Variants in ZDHHC14 observed in about 807,000 individuals in gnomAD.
The protein encoded by ZDHHC14 is palmitoyltransferase ZDHHC14.
A neutral mutation model predicts 47.7 loss-of-function variants in ZDHHC14; 16 were observed. That is an observed-to-expected ratio of 0.34 (90% CI 0.23 to 0.51). ZDHHC14 has a LOEUF of 0.51. Ranked by LOEUF, ZDHHC14 falls within the 20% of genes least tolerant of loss-of-function variation. ZDHHC14 has a pLI of 0.97. For missense variants in ZDHHC14, 515 were observed against 662.5 expected (o/e 0.78, Z 2.44); for synonymous variants, 293 against 278.9 (o/e 1.05, Z -0.50).
At chr6:157,606,833 A>G (rs372943124) in intron 3 of ZDHHC14, among the ~76,000 whole-genome samples, 2 of 152,350 alleles carry the variant, frequency 1.3e-5, no homozygotes. Context: ...GAAAACAGTT[A>G]CATTTTTATT....
chr6:157,551,540 GTTA>G (rs1782234472), intron 2 of ZDHHC14, among the ~76,000 whole-genome samples: 1 of 152,196 alleles, frequency 6.6e-6, no homozygotes, highest in South Asian at 2.1e-4. Flanking sequence ...TCGCCTGGGA[GTTA>G]TTAGAAATGC....
chr6:157,544,204 G>A (rs1781875463), intron 2 of ZDHHC14, among the ~76,000 whole-genome samples: 1 of 152,198 alleles, frequency 6.6e-6, no homozygotes, highest in African/African-American at 2.4e-5. Context: ...CAATATATGA[G>A]CAGGTAACTT....
intron 1 of ZDHHC14, among the ~76,000 whole-genome samples, chr6:157,420,733 A>T (rs1778084074): frequency 6.6e-6 from 1 of 152,352 alleles, no homozygotes; most frequent in South Asian, 2.1e-4. Flanking sequence ...ATTTCAGCCT[A>T]GTAGGAGCGA....
intron 2 of ZDHHC14, among the ~76,000 whole-genome samples, chr6:157,584,283 C>T (rs893544856): frequency 1.4e-4 from 21 of 152,038 alleles, no homozygotes; most frequent in South Asian, 6.2e-4. Flanking sequence ...AGGGAAGAGA[C>T]GGGACTCCTC....
At chr6:157,435,296 G>A (rs41505947) in intron 1 of ZDHHC14, among the ~76,000 whole-genome samples, 72,778 of 152,076 alleles carry the variant, frequency 0.48, 17,422 homozygotes, top group East Asian at 0.6. Flanking sequence ...ATAGAAATCC[G>A]AGAAGAGGGC....
chr6:157,473,380 T>C (rs983422442), intron 1 of ZDHHC14, among the ~76,000 whole-genome samples: 6 of 152,248 alleles, frequency 3.9e-5, no homozygotes, highest in Non-Finnish European at 8.8e-5. Context: ...TTTCACTTTT[T>C]AAGATCCCAC....
Position 157,673,455 on chromosome 6 carries a change from G to A in ZDHHC14, c.*333G>A. On this transcript the variant is annotated 3_prime_UTR_variant, in exon 9 of 9. Coordinates refer to ENST00000359775, the MANE Select transcript of ZDHHC14 (RefSeq NM_024630.3). The surrounding 1 kb of genome is among the most constrained non-coding windows in gnomAD (Gnocchi z 5.4). ...GACACACGGAAGGCTTCTGACGCTT[G>A]TGGCCAGACTGCAATTGCACTTATG... 2.7e-6 allele frequency: 1 copy of A among 370,576 alleles called. No individual in the cohort carries two copies. The highest frequency in any genetic ancestry group is 5.0e-5 in the East Asian group (1 of 19,806). The allele number at this position is 370,576 out of a possible 1,614,324, so 23.0% of individuals were successfully genotyped here.
intron 1 of ZDHHC14, among the ~76,000 whole-genome samples, chr6:157,531,297 C>G (rs945670219): frequency 9.2e-5 from 14 of 152,130 alleles, no homozygotes; most frequent in Admixed American, 2.6e-4. Context: ...CCCTGCCCCC[C>G]CCGGACATGC....
chr6:157,589,347 A>T (rs1428918780), intron 2 of ZDHHC14, among the ~76,000 whole-genome samples: 15 of 152,196 alleles, frequency 9.9e-5, no homozygotes, highest in Non-Finnish European at 2.2e-4. Flanking sequence ...CTGGGCAGGG[A>T]TACAAAACCA....
intron 1 of ZDHHC14, among the ~76,000 whole-genome samples, chr6:157,412,744 C>G (rs778145035): frequency 3.3e-5 from 5 of 152,218 alleles, no homozygotes; most frequent in Non-Finnish European, 4.4e-5. Context: ...GCCTGGATAG[C>G]AGGAGACCAC....
chr6:157,485,656 AC>A (rs1779759613), intron 1 of ZDHHC14, among the ~76,000 whole-genome samples: 1 of 149,282 alleles, frequency 6.7e-6, no homozygotes, highest in Non-Finnish European at 1.5e-5. Flanking sequence ...TTTAAAACCT[AC>A]CCTTGTATCT....
intron 8 of ZDHHC14, among the ~76,000 whole-genome samples, chr6:157,670,982 A>G (rs780617304): frequency 6.6e-6 from 1 of 152,260 alleles, no homozygotes; most frequent in South Asian, 2.1e-4. Flanking sequence ...CCTTAGGATC[A>G]GCAGCTTTGG....
chr6:157,540,621 C>A (rs981378933), intron 1 of ZDHHC14, among the ~76,000 whole-genome samples: 1 of 152,152 alleles, frequency 6.6e-6, no homozygotes, highest in Non-Finnish European at 1.5e-5. Flanking sequence ...TGTGCCCTCG[C>A]TGAAACTGGC....
intron 1 of ZDHHC14, among the ~76,000 whole-genome samples, chr6:157,468,159 G>A (rs1358441271): frequency 6.6e-6 from 1 of 152,212 alleles, no homozygotes; most frequent in Non-Finnish European, 1.5e-5. Context: ...CCTGAGTGGA[G>A]GGCTGGAGAG....
chr6:157,559,735 G>A (rs373927449), intron 2 of ZDHHC14, among the ~76,000 whole-genome samples: 1 of 152,306 alleles, frequency 6.6e-6, no homozygotes, highest in Admixed American at 6.5e-5. Context: ...TAAATGTTTT[G>A]TCCAGAAAAG....
rs1776979045 is a variant in ZDHHC14, at chr6:157,636,354, T to TGC, written c.752+3473_752+3474insCG. Among the ~76,000 whole-genome samples, 3 of 151,778 alleles carry TGC rather than the reference T, an allele frequency of 2.0e-5. No individual in the cohort carries two copies. In the South Asian group the frequency reaches 6.3e-4, roughly 32 times the overall value. On this transcript the variant is annotated intron_variant, in intron 5 of 8. Transcript: ENST00000359775. ...ATATATAAGTGTGTGTGTGTGTGTG[T>TGC]GTGTGTGCATGCATCTATATCTGTA...
At chr6:157,542,147 G>GTC (rs1781788506) in intron 1 of ZDHHC14, among the ~76,000 whole-genome samples, 1 of 152,176 alleles carries the variant, frequency 6.6e-6, no homozygotes, top group Admixed American at 6.5e-5. Flanking sequence ...ACCCAAGTGG[G>GTC]AAAGGCTGGC....
At chr6:157,410,822 G>A (rs888638202) in intron 1 of ZDHHC14, among the ~76,000 whole-genome samples, 8 of 152,106 alleles carry the variant, frequency 5.3e-5, no homozygotes, top group Non-Finnish European at 1.0e-4. Flanking sequence ...TCAGCCTCCT[G>A]AGTAGCTGGG....
intron 2 of ZDHHC14, among the ~76,000 whole-genome samples, chr6:157,583,867 C>T (rs1045628487): frequency 2.0e-5 from 3 of 152,028 alleles, no homozygotes; most frequent in African/African-American, 7.2e-5. Flanking sequence ...TGTTGTGGGG[C>T]TCCACCCACC....
Sources: allele counts gnomAD v4.1 joint callset (sites outside exome capture counted in the v4.1 genomes callset), GRCh38; gene constraint gnomAD v4.1.1; non-coding constraint Gnocchi (gnomAD v3.1); transcripts MANE v1.5; gene names NCBI Gene and HGNC (gene_info 2026-07-23, HGNC 2026-07-21).